Variants in CRPPA observed in about 807,000 individuals in gnomAD.
CRPPA encodes the protein CDP-L-ribitol pyrophosphorylase A.
CRPPA carries 43 observed loss-of-function variants against 52.0 expected under a neutral mutation model. That is an observed-to-expected ratio of 0.83 (90% CI 0.65 to 1.07). The LOEUF (loss-of-function observed/expected upper bound fraction) is 1.07. Ranked by LOEUF, CRPPA falls within the 50% of genes least tolerant of loss-of-function variation. The pLI is 0.00. For synonymous variants in CRPPA, 250 were observed against 203.5 expected (o/e 1.23, Z -1.94); for missense variants, 629 against 551.7 (o/e 1.14, Z -1.40).
intron 8 of CRPPA, among the ~76,000 whole-genome samples, chr7:16,234,551 A>G (rs182604772): frequency 1.6e-4 from 24 of 152,284 alleles, no homozygotes; most frequent in Admixed American, 1.4e-3. Flanking sequence ...AATGTCATAA[A>G]AACTCACAAC....
chr7:16,137,368 T>A (rs577378245), intron 9 of CRPPA, among the ~76,000 whole-genome samples: 1 of 152,340 alleles, frequency 6.6e-6, no homozygotes, highest in South Asian at 2.1e-4. Flanking sequence ...CTACCTAGTG[T>A]ATAGCTTTCA....
At chr7:16,420,713 G>C (rs1788308830) in intron 1 of CRPPA, among the ~76,000 whole-genome samples, 1 of 152,174 alleles carries the variant, frequency 6.6e-6, no homozygotes, top group African/African-American at 2.4e-5. Context: ...CAGAGCCCCA[G>C]GACCGCGAGA....
At chr7:16,176,855 GA>G (rs1562540740) in intron 9 of CRPPA, among the ~76,000 whole-genome samples, 1 of 151,972 alleles carries the variant, frequency 6.6e-6, no homozygotes, top group Non-Finnish European at 1.5e-5. Context: ...TTTAATAACG[GA>G]ACATGAATGC....
chr7:16,381,240 C>T (rs878876841), intron 2 of CRPPA, among the ~76,000 whole-genome samples: 3 of 152,154 alleles, frequency 2.0e-5, no homozygotes, highest in East Asian at 1.9e-4. Flanking sequence ...GCCTTCATTT[C>T]GTTATGTATC....
intron 5 of CRPPA, among the ~76,000 whole-genome samples, chr7:16,292,532 G>C (rs910887110): frequency 1.3e-5 from 2 of 151,972 alleles, no homozygotes; most frequent in African/African-American, 4.8e-5. Context: ...GGAATACCTA[G>C]TTTGAAATTC....
chr7:16,099,450 A>T (rs1009799555), intron 9 of CRPPA, among the ~76,000 whole-genome samples: 2 of 145,034 alleles, frequency 1.4e-5, no homozygotes, highest in Admixed American at 6.9e-5. Flanking sequence ...GGAGGGAGGG[A>T]AAAGGGCAGG....
chr7:16,117,997 TTCTAATGTAATTACATA>T (rs1327568333), intron 9 of CRPPA, among the ~76,000 whole-genome samples: 1 of 152,206 alleles, frequency 6.6e-6, no homozygotes, highest in Non-Finnish European at 1.5e-5. Context: ...AGCTTCTGTG[TTCTAATGTAATTACATA>T]TCCCAAAATC....
intron 9 of CRPPA, among the ~76,000 whole-genome samples, chr7:16,116,683 A>AAAGGG (rs1782381540): frequency 1.3e-5 from 2 of 149,090 alleles, no homozygotes; most frequent in South Asian, 2.2e-4. Context: ...AAAGGAAAGG[A>AAAGGG]AAGGGAAGGG....
At chr7:16,103,560 T>C (rs1782091513) in intron 9 of CRPPA, among the ~76,000 whole-genome samples, 1 of 152,118 alleles carries the variant, frequency 6.6e-6, no homozygotes, top group African/African-American at 2.4e-5. Context: ...GGAAACAGTG[T>C]CAAAAACTAG....
At chr7:16,388,611 A>G (rs1047882677) in intron 2 of CRPPA, among the ~76,000 whole-genome samples, 1 of 152,236 alleles carries the variant, frequency 6.6e-6, no homozygotes, top group African/African-American at 2.4e-5. Context: ...GTGGTGGCTC[A>G]TGCCTGTAAT....
At chr7:16,105,112 T>C (rs1562506034) in intron 9 of CRPPA, among the ~76,000 whole-genome samples, 2 of 152,180 alleles carry the variant, frequency 1.3e-5, no homozygotes, top group South Asian at 4.1e-4. Context: ...GAAGTCATTA[T>C]ACAGGTGTAG....
At chr7:16,377,591 T>A (rs1250320070) in intron 2 of CRPPA, among the ~76,000 whole-genome samples, 1 of 152,200 alleles carries the variant, frequency 6.6e-6, no homozygotes, top group Non-Finnish European at 1.5e-5. Flanking sequence ...CTGAAAATTG[T>A]CCTAAGGACA....
At chr7:16,301,060 A>G (rs1415640937) in intron 5 of CRPPA, among the ~76,000 whole-genome samples, 1 of 152,176 alleles carries the variant, frequency 6.6e-6, no homozygotes, top group Admixed American at 6.5e-5. Flanking sequence ...TAATGTACCG[A>G]CACGACACTG....
intron 9 of CRPPA, among the ~76,000 whole-genome samples, chr7:16,112,747 A>G (rs540778859): frequency 2.0e-5 from 3 of 152,270 alleles, no homozygotes; most frequent in South Asian, 2.1e-4. Flanking sequence ...AATTTGTCCA[A>G]TGATGAAATA....
At chr7:16,354,959 T>C (rs1259920557) in intron 3 of CRPPA, among the ~76,000 whole-genome samples, 1 of 152,156 alleles carries the variant, frequency 6.6e-6, no homozygotes, top group Non-Finnish European at 1.5e-5. Flanking sequence ...GCTATAAAAA[T>C]GTACAGCCAA....
Position 16,090,849 on chromosome 7 carries a change from G to A in CRPPA, c.*846C>T, listed in dbSNP as rs1781823488. ...TAATATTTCAGATGTATATACCAAT[G>A]AAAACTGGAAATAAGAACTTGATTT... On this transcript the variant is annotated 3_prime_UTR_variant, in exon 10 of 10. Coordinates refer to ENST00000407010, the MANE Select transcript of CRPPA (RefSeq NM_001101426.4). 1 of 152,132 alleles carries A rather than the reference G, an allele frequency of 6.6e-6. No individual in the cohort carries two copies. The highest frequency in any genetic ancestry group is 1.5e-5 in the Non-Finnish European group (1 of 68,010). 9.4% of individuals were successfully genotyped at this position (152,132 alleles called of 1,614,324 possible).
At chr7:16,327,828 A>C (rs960069870) in intron 3 of CRPPA, among the ~76,000 whole-genome samples, 2 of 152,138 alleles carry the variant, frequency 1.3e-5, no homozygotes, top group African/African-American at 2.4e-5. Context: ...ATAAAGGGGC[A>C]ACATGCAACA....
At chr7:16,249,152 C>T (rs924753978) in intron 8 of CRPPA, among the ~76,000 whole-genome samples, 1 of 152,066 alleles carries the variant, frequency 6.6e-6, no homozygotes, top group Non-Finnish European at 1.5e-5. Flanking sequence ...TGAGGCTGAC[C>T]GCCTCTCTAG....
chr7:16,415,648 T>C (rs1213573240), intron 1 of CRPPA, among the ~76,000 whole-genome samples: 1 of 152,220 alleles, frequency 6.6e-6, no homozygotes, highest in East Asian at 1.9e-4. Context: ...ACTGAAGTTC[T>C]ACCTGAAGGC....
Sources: gnomAD v4.1 joint callset for allele counts (sites outside exome capture counted in the v4.1 genomes callset) on GRCh38, gnomAD v4.1.1 for gene constraint, MANE v1.5 for transcripts, NCBI Gene and HGNC (gene_info 2026-07-23, HGNC 2026-07-21) for gene names.